The following SLC13A4 variants were observed in gnomAD, a reference collection of about 807,000 sequenced individuals.
The protein encoded by SLC13A4 is solute carrier family 13 member 4.
A neutral mutation model predicts 72.7 loss-of-function variants in SLC13A4; 28 were observed. That is an observed-to-expected ratio of 0.39 (90% CI 0.29 to 0.53). The LOEUF (loss-of-function observed/expected upper bound fraction) is 0.53. Ranked by LOEUF, SLC13A4 falls within the 20% of genes least tolerant of loss-of-function variation. SLC13A4 has a pLI of 0.78. For synonymous variants in SLC13A4, 312 were observed against 325.5 expected (o/e 0.96, Z 0.45); for missense variants, 653 against 788.0 (o/e 0.83, Z 2.05).
intron 2 of SLC13A4, among the ~76,000 whole-genome samples, chr7:135,710,844 T>A (rs1428267829): frequency 2.0e-5 from 3 of 152,188 alleles, no homozygotes; most frequent in Non-Finnish European, 2.9e-5. Flanking sequence ...CCCCTGCTTC[T>A]GGTTAACCCA....
chr7:135,718,094 C>CCT (rs1282989620), intron 2 of SLC13A4, among the ~76,000 whole-genome samples: 1 of 151,478 alleles, frequency 6.6e-6, no homozygotes, highest in Non-Finnish European at 1.5e-5. Flanking sequence ...CACACGCGCG[C>CCT]GCGCGCACGC....
intron 2 of SLC13A4, among the ~76,000 whole-genome samples, chr7:135,715,349 G>A (rs763417719): frequency 2.7e-5 from 4 of 147,890 alleles, no homozygotes; most frequent in East Asian, 2.0e-4. Flanking sequence ...ATATGTGAGC[G>A]TGTGTATGAG....
chr7:135,726,141 C>G (rs536884822), intron 1 of SLC13A4, among the ~76,000 whole-genome samples: 1 of 151,616 alleles, frequency 6.6e-6, no homozygotes, highest in Admixed American at 6.6e-5. Context: ...GTATGTCTCT[C>G]GGTAACAGTC....
intron 13 of SLC13A4, chr7:135,689,057 TG>T: frequency 6.6e-6 from 1 of 151,958 alleles, no homozygotes; most frequent in East Asian, 1.9e-4. Flanking sequence ...GGCTAACTTT[TG>T]TTTTTGTAGA....
intron 1 of SLC13A4, among the ~76,000 whole-genome samples, chr7:135,725,827 T>C (rs1314782569): frequency 6.6e-6 from 1 of 152,126 alleles, no homozygotes; most frequent in Non-Finnish European, 1.5e-5. Context: ...TAGCTGCATG[T>C]GGTGGTACTT....
chr7:135,691,860 G>A (rs111289769), intron 11 of SLC13A4: 2 of 506,050 alleles, frequency 4.0e-6, no homozygotes, highest in South Asian at 2.6e-5. Context: ...TAGAGTAGAT[G>A]TCTTAATGTG....
intron 2 of SLC13A4, among the ~76,000 whole-genome samples, chr7:135,717,712 G>A (rs543081530): frequency 6.6e-6 from 1 of 152,266 alleles, no homozygotes; most frequent in African/African-American, 2.4e-5. Flanking sequence ...GTCAACTTGG[G>A]TGGACCATGG....
At position 135,727,548 on chromosome 7, in the gene SLC13A4, G is replaced by A; in HGVS notation, c.-52C>T. ...CTTGGACCCCGCTCTGCCGGCGAAA[G>A]GCTTCCTGCCTGGGCACTGCTCTCT... On this transcript the variant is annotated 5_prime_UTR_variant, in exon 1 of 16. Coordinates refer to ENST00000682651, the MANE Select transcript of SLC13A4 (RefSeq NM_001318192.2). The A allele has an allele frequency of 1.3e-6, 2 of 1,521,444 alleles. No individual in the cohort carries two copies. Among genetic ancestry groups the A allele is most frequent in the Non-Finnish European group, 1.8e-6 (2 of 1,128,430 alleles). 94.2% of individuals were successfully genotyped at this position (1,521,444 alleles called of 1,614,324 possible).
In SLC13A4 at chr7:135,684,165, C is replaced by T; in HGVS notation, c.1705G>A (p.Ala569Thr). The change falls in exon 15 of 16, where the codon GCC becomes ACC. Residue 569 changes from alanine to threonine, a missense_variant. Ala to Thr is a moderately conservative substitution (Grantham distance 58, BLOSUM62 0). Coordinates refer to ENST00000682651, the MANE Select transcript of SLC13A4 (RefSeq NM_001318192.2). ...CAGTGCCCATAGCTGAAGACGATGG[C>T]ATTAGGGGGATTGCCCACAGGCAGC... ...VMLPVGNPPN[A>T]IVFSYGHCQI... 6.2e-7 allele frequency: 1 copy of T among 1,613,018 alleles called. No homozygotes were observed. Among genetic ancestry groups the T allele is most frequent in the Non-Finnish European group, 8.5e-7 (1 of 1,179,424 alleles).
chr7:135,708,952 T>C (rs1796233655), intron 2 of SLC13A4, among the ~76,000 whole-genome samples: 1 of 119,260 alleles, frequency 8.4e-6, no homozygotes, highest in South Asian at 2.7e-4. Flanking sequence ...TTTTGTGAGA[T>C]GGAGTCTCGC....
intron 15 of SLC13A4, chr7:135,683,345 ATCT>A: frequency 1.0e-6 from 1 of 965,406 alleles, no homozygotes; most frequent in Non-Finnish European, 1.2e-6. Flanking sequence ...GGACCTGAAT[ATCT>A]GCCACCAGCC....
chr7:135,727,186 G>T lies in SLC13A4; in HGVS notation c.99+212C>A, dbSNP rs185876315. Among the ~76,000 whole-genome samples, 835 of 152,316 alleles carry T rather than the reference G, an allele frequency of 5.5e-3. 2 individuals carry two copies. The highest frequency in any genetic ancestry group is 9.9e-3 in the Non-Finnish European group (676 of 68,030). Reference sequence around the variant, plus strand: ...GTCCTGACCCCGGTGGGGGCCATGGGGTTGGGGGAATGGGACTGGGATAGG... The same window carrying T: ...GTCCTGACCCCGGTGGGGGCCATGGTGTTGGGGGAATGGGACTGGGATAGG... On this transcript the variant is annotated intron_variant, in intron 1 of 15. Transcript: ENST00000682651.
chr7:135,700,640 A>G (rs1352120399), intron 7 of SLC13A4, among the ~76,000 whole-genome samples: 23 of 152,144 alleles, frequency 1.5e-4, no homozygotes, highest in Admixed American at 1.4e-3. Flanking sequence ...AAGTGTAGCA[A>G]TTGGATACAT....
At chr7:135,704,104 CAGAG>C (rs1796105892) in intron 5 of SLC13A4, 1 of 152,302 alleles carries the variant, frequency 6.6e-6, no homozygotes. Flanking sequence ...AGGGTGATGC[CAGAG>C]AGGCCACAGG....
At position 135,721,448 on chromosome 7, in the gene SLC13A4, C is replaced by T. The variant is rs1453600840; in HGVS notation, c.175G>A (p.Ala59Thr). The T allele has an allele frequency of 5.0e-6, 8 of 1,614,036 alleles. No homozygotes were observed. Among genetic ancestry groups the T allele is most frequent in the South Asian group, 2.2e-5 (2 of 91,084 alleles). Residue 59 changes from alanine (A) to threonine (T), a missense_variant, in exon 2 of 16, where the codon GCC becomes ACC. By Grantham distance (58) the Ala-to-Thr change is moderately conservative (BLOSUM62 0). Transcript: ENST00000682651. ...VSEAVPLGAA[A>T]LVPAFLYPFF... Reference sequence around the variant, plus strand: ...GGGTAAAGGAAGGCCGGCACCAGGGCTGCAGCTCCCAGAGGCACTGCCTCC... The same window carrying T: ...GGGTAAAGGAAGGCCGGCACCAGGGTTGCAGCTCCCAGAGGCACTGCCTCC...
chr7:135,684,373 A>G (rs973946893), intron 14 of SLC13A4, 112 bp from the exon 15 acceptor site: 2 of 1,320,520 alleles, frequency 1.5e-6, no homozygotes, highest in East Asian at 2.5e-5. Flanking sequence ...TTAGCAGGAC[A>G]CTATGTGGAG....
At chr7:135,684,348 T>C in intron 14 of SLC13A4, 87 bp from the exon 15 acceptor site, 1 of 1,481,666 alleles carries the variant, frequency 6.7e-7, no homozygotes, top group South Asian at 1.4e-5. Flanking sequence ...AATGATGACT[T>C]GGTGCTGGCT....
intron 13 of SLC13A4, among the ~76,000 whole-genome samples, chr7:135,690,376 C>T (rs538958727): frequency 6.6e-6 from 1 of 152,102 alleles, no homozygotes; most frequent in East Asian, 1.9e-4. Flanking sequence ...AGATCTCATC[C>T]AAAATCCTCC....
intron 8 of SLC13A4, among the ~76,000 whole-genome samples, 184 bp from the exon 9 acceptor site, chr7:135,695,671 C>T (rs1255748142): frequency 6.6e-6 from 1 of 152,050 alleles, no homozygotes; most frequent in Non-Finnish European, 1.5e-5. Flanking sequence ...AGAGCCCAGA[C>T]AAGAATCATG....
Sources: allele counts gnomAD v4.1 joint callset (sites outside exome capture counted in the v4.1 genomes callset), GRCh38; gene constraint gnomAD v4.1.1; transcripts MANE v1.5; gene names NCBI Gene and HGNC (gene_info 2026-07-23, HGNC 2026-07-21).